The following MIR2052HG variants were observed in gnomAD, a reference collection of about 807,000 sequenced individuals.
MIR2052HG encodes the protein MIR2052 host gene.
chr8:74,748,140 T>G (rs1347749406), intron 4 of MIR2052HG, among the ~76,000 whole-genome samples: 1 of 152,194 alleles, frequency 6.6e-6, no homozygotes, highest in Non-Finnish European at 1.5e-5. Context: ...CTTTCTCCCA[T>G]GTCTCTAACG....
At chr8:74,628,968 C>A (rs1312538148) in intron 2 of MIR2052HG, 2 of 151,936 alleles carry the variant, frequency 1.3e-5, no homozygotes, top group African/African-American at 4.8e-5. Flanking sequence ...TGGGAGAGAG[C>A]ATTTTACTTG....
intron 2 of MIR2052HG, among the ~76,000 whole-genome samples, chr8:74,669,851 G>A (rs567243041): frequency 5.9e-5 from 9 of 152,058 alleles, no homozygotes; most frequent in South Asian, 2.1e-4. Context: ...TACACCACTC[G>A]TTAGTCTTAA....
intron 4 of MIR2052HG, among the ~76,000 whole-genome samples, chr8:74,723,169 TATC>T (rs1415358576): frequency 1.3e-5 from 2 of 152,242 alleles, no homozygotes; most frequent in Admixed American, 6.5e-5. Flanking sequence ...TGACAATAAT[TATC>T]ACTCTGGAAT....
chr8:74,752,547 A>G (rs1809958954), intron 5 of MIR2052HG: 1 of 454,014 alleles, frequency 2.2e-6, no homozygotes, highest in African/African-American at 2.0e-5. Context: ...AGTAGGAAAG[A>G]TATTTTCTCT....
At chr8:74,614,179 T>C (rs1295507420) in intron 2 of MIR2052HG, among the ~76,000 whole-genome samples, 1 of 152,216 alleles carries the variant, frequency 6.6e-6, no homozygotes, top group Non-Finnish European at 1.5e-5. Context: ...CTTCTAAGAG[T>C]TGAATATTAT....
intron 2 of MIR2052HG, among the ~76,000 whole-genome samples, chr8:74,667,140 T>C (rs1808938057): frequency 6.6e-6 from 1 of 152,192 alleles, no homozygotes; most frequent in South Asian, 2.1e-4. Flanking sequence ...GCTAGGTTTG[T>C]TGTCTCCTGG....
At chr8:74,610,553 G>GA (rs1339249279) in intron 1 of MIR2052HG, among the ~76,000 whole-genome samples, 5 of 150,350 alleles carry the variant, frequency 3.3e-5, no homozygotes, top group South Asian at 2.1e-4. Context: ...AAAAAACTCT[G>GA]AAAAAAAAGA....
At chr8:74,712,348 C>G (rs999197196) in intron 4 of MIR2052HG, among the ~76,000 whole-genome samples, 1 of 152,118 alleles carries the variant, frequency 6.6e-6, no homozygotes, top group Admixed American at 6.6e-5. Flanking sequence ...TGAAATAAGC[C>G]TGGTTTTCAA....
intron 4 of MIR2052HG, among the ~76,000 whole-genome samples, chr8:74,732,807 C>T (rs1188751118): frequency 3.3e-5 from 5 of 151,924 alleles, no homozygotes; most frequent in Admixed American, 2.6e-4. Context: ...AATAAACAGC[C>T]CATTCAAGGA....
At chr8:74,678,563 CAA>C (rs763073114) in intron 2 of MIR2052HG, among the ~76,000 whole-genome samples, 467 of 53,540 alleles carry the variant, frequency 8.7e-3, no homozygotes, top group Middle Eastern at 0.028. Context: ...GAGTTTGTCT[CAA>C]AAAAAAAAAA....
At chr8:74,613,446 G>T (rs1808229618) in intron 2 of MIR2052HG, among the ~76,000 whole-genome samples, 1 of 152,178 alleles carries the variant, frequency 6.6e-6, no homozygotes, top group Admixed American at 6.5e-5. Context: ...AAACTGAATG[G>T]GATGGAGATA....
At position 74,662,858 on chromosome 8, in the gene MIR2052HG, TTGTGTGTGTG is replaced by T. The variant is rs68089808; in HGVS notation, n.217-39494_217-39485del. The stretch of plus-strand genomic sequence containing the variant: ...CATTTTTCTCCTAGAAATGACTCAT[TTGTGTGTGTG>T]TGTGTGTGTGTGTGTGTGTGTGTGT... On this transcript the variant is annotated intron_variant and non_coding_transcript_variant, in intron 2 of 6. Coordinates refer to ENST00000523442, the Ensembl canonical transcript of MIR2052HG. 1.8e-4 allele frequency among the ~76,000 whole-genome samples: 26 copies of T among 144,298 alleles called. 1 individual carries two copies. Among genetic ancestry groups the T allele is most frequent in the African/African-American group, 4.1e-4 (16 of 39,384 alleles). The allele number at this position is 144,298 out of a possible 152,430, so 94.7% of individuals were successfully genotyped here.
At chr8:74,737,842 T>G (rs909976417) in intron 4 of MIR2052HG, among the ~76,000 whole-genome samples, 14 of 152,198 alleles carry the variant, frequency 9.2e-5, no homozygotes, top group Admixed American at 7.2e-4. Flanking sequence ...GTTTTGGCCC[T>G]TCCTGTTTAG....
At chr8:74,660,690 T>C (rs1808852356) in intron 2 of MIR2052HG, among the ~76,000 whole-genome samples, 1 of 152,222 alleles carries the variant, frequency 6.6e-6, no homozygotes, top group African/African-American at 2.4e-5. Flanking sequence ...TCTGTCTGGA[T>C]TTTGAGAAAA....
At chr8:74,751,333 C>A (rs1033770285) in intron 4 of MIR2052HG, among the ~76,000 whole-genome samples, 11 of 152,104 alleles carry the variant, frequency 7.2e-5, no homozygotes, top group African/African-American at 2.7e-4. Flanking sequence ...TGCTATGCTG[C>A]CTAGTGTTTC....
chr8:74,668,240 C>CA (rs370589893), intron 2 of MIR2052HG, among the ~76,000 whole-genome samples: 105 of 144,450 alleles, frequency 7.3e-4, no homozygotes, highest in Middle Eastern at 3.5e-3. Context: ...ATTTCTATTA[C>CA]AAAAAAAAAA....
At position 74,719,354 on chromosome 8, in the gene MIR2052HG, C is replaced by T. The variant is rs575903200; in HGVS notation, n.371+15672C>T. Reference sequence around the variant, plus strand: ...AAAGGGAATAATGGAGATTGCATAGCGAGCACTGGTCTGCAGTGATTATCC... The same window carrying T: ...AAAGGGAATAATGGAGATTGCATAGTGAGCACTGGTCTGCAGTGATTATCC... On this transcript the variant is annotated intron_variant and non_coding_transcript_variant, in intron 4 of 6. Coordinates refer to ENST00000523442, the Ensembl canonical transcript of MIR2052HG. Among the ~76,000 whole-genome samples, 4 of 152,262 alleles carry T rather than the reference C, an allele frequency of 2.6e-5. No homozygotes were observed. The East Asian group carries it at 7.7e-4, about 29-fold the overall frequency.
chr8:74,704,151 C>T (rs188907148), intron 4 of MIR2052HG, among the ~76,000 whole-genome samples: 1 of 151,976 alleles, frequency 6.6e-6, no homozygotes, highest in Non-Finnish European at 1.5e-5. Flanking sequence ...AAATTTATTT[C>T]TTTTCGTGGG....
intron 2 of MIR2052HG, among the ~76,000 whole-genome samples, chr8:74,630,537 A>AAG (rs1336878493): frequency 4.6e-5 from 7 of 151,830 alleles, no homozygotes; most frequent in Non-Finnish European, 8.8e-5. Context: ...TGAAAAAAAA[A>AAG]AAAAAAAGAA....
Sources: allele counts gnomAD v4.1 joint callset (sites outside exome capture counted in the v4.1 genomes callset), GRCh38; gene constraint gnomAD v4.1.1; transcripts MANE v1.5; gene names NCBI Gene and HGNC (gene_info 2026-07-23, HGNC 2026-07-21).